The following EEFSEC variants were observed in gnomAD, a reference collection of about 807,000 sequenced individuals.
EEFSEC encodes eukaryotic elongation factor, selenocysteine-tRNA specific, also known as selenocysteine-specific elongation factor.
In EEFSEC, 43 loss-of-function variants were observed where a neutral mutation model predicts 42.1. The observed-to-expected ratio is 1.02, with a 90% CI of 0.80 to 1.32. The LOEUF (loss-of-function observed/expected upper bound fraction) is 1.32, where lower values mean the gene tolerates loss of function less well. EEFSEC is among the 40% of genes most tolerant of loss of function. EEFSEC has a pLI of 0.00. For missense variants in EEFSEC, 745 were observed against 803.6 expected (o/e 0.93, Z 0.88); for synonymous variants, 354 against 339.1 (o/e 1.04, Z -0.48).
At chr3:128,244,145 G>A (rs2066102070) in intron 1 of EEFSEC, among the ~76,000 whole-genome samples, 1 of 152,218 alleles carries the variant, frequency 6.6e-6, no homozygotes, top group Non-Finnish European at 1.5e-5. Context: ...CTGGAAAATA[G>A]GCTGGGCCCC....
At chr3:128,313,638 G>A (rs548261006) in intron 4 of EEFSEC, among the ~76,000 whole-genome samples, 1 of 152,298 alleles carries the variant, frequency 6.6e-6, no homozygotes, top group East Asian at 1.9e-4. Context: ...TCAGGCTCTT[G>A]GCATCTCCAT....
chr3:128,337,186 C>T (rs1335001512), intron 4 of EEFSEC: 2 of 152,228 alleles, frequency 1.3e-5, no homozygotes, highest in Non-Finnish European at 2.9e-5. Context: ...TCACTGACCA[C>T]CCCGTGTGGC....
chr3:128,212,581 C>T (rs2065770004), intron 1 of EEFSEC, among the ~76,000 whole-genome samples: 2 of 152,298 alleles, frequency 1.3e-5, no homozygotes, highest in South Asian at 2.1e-4. Flanking sequence ...ACCGAATGAG[C>T]AGTCACATCC....
intron 1 of EEFSEC, among the ~76,000 whole-genome samples, chr3:128,219,123 C>T (rs999919269): frequency 1.8e-4 from 28 of 152,292 alleles, no homozygotes; most frequent in African/African-American, 6.0e-4. Flanking sequence ...TATGGCTGAG[C>T]GGACTCATTC....
At chr3:128,168,456 A>G (rs1251055057) in intron 1 of EEFSEC, among the ~76,000 whole-genome samples, 3 of 150,226 alleles carry the variant, frequency 2.0e-5, no homozygotes, top group African/African-American at 7.3e-5. Context: ...CTTGCATGGT[A>G]AAAAAAACTT....
chr3:128,217,179 C>G (rs2065819040), intron 1 of EEFSEC, among the ~76,000 whole-genome samples: 1 of 152,124 alleles, frequency 6.6e-6, no homozygotes, highest in East Asian at 1.9e-4. Context: ...TAAGGGCCTT[C>G]TATGCATACT....
At chr3:128,270,323 T>G (rs935736438) in intron 4 of EEFSEC, among the ~76,000 whole-genome samples, 1 of 152,200 alleles carries the variant, frequency 6.6e-6, no homozygotes, top group Non-Finnish European at 1.5e-5. Context: ...AAGTGAGTTA[T>G]TGAAATGCAA....
intron 4 of EEFSEC, among the ~76,000 whole-genome samples, chr3:128,282,782 C>G (rs1415718781): frequency 6.6e-6 from 1 of 152,182 alleles, no homozygotes; most frequent in African/African-American, 2.4e-5. Context: ...TGGGGTTAGG[C>G]TGGCTCTGCC....
In EEFSEC at chr3:128,296,039, C is replaced by T. The variant is rs3811711; in HGVS notation, c.786+31258C>T. ...ATGTTACCATGGTCCAGAAATCACC[C>T]GCTCATCCCAGAAGAGATGGAAGGA... On this transcript the variant is annotated intron_variant, in intron 4 of 6. Transcript: ENST00000254730. Among the ~76,000 whole-genome samples, 4,190 of 152,204 alleles carry T rather than the reference C, an allele frequency of 0.028. 412 individuals are homozygous for T. In the East Asian group the frequency reaches 0.36, roughly 13 times the overall value.
chr3:128,191,432 A>T (rs190108807), intron 1 of EEFSEC, among the ~76,000 whole-genome samples: 6 of 152,184 alleles, frequency 3.9e-5, no homozygotes, highest in African/African-American at 1.4e-4. Flanking sequence ...ACTTCAGCTC[A>T]CTGTGCCTGG....
intron 4 of EEFSEC, among the ~76,000 whole-genome samples, chr3:128,284,868 T>C (rs181039893): frequency 6.6e-6 from 1 of 152,048 alleles, no homozygotes; most frequent in Admixed American, 6.5e-5. Context: ...TTACCTGAGC[T>C]ATGTGTGCTT....
In EEFSEC at chr3:128,253,840, A is replaced by G. The variant is rs114937122; in HGVS notation, c.524+6797A>G. 4.5e-3 allele frequency among the ~76,000 whole-genome samples: 691 copies of G among 152,228 alleles called. 4 individuals carry two copies. The highest frequency in any genetic ancestry group is 0.015 in the African/African-American group (606 of 41,524). On this transcript the variant is annotated intron_variant, in intron 2 of 6. Coordinates refer to ENST00000254730, the MANE Select transcript of EEFSEC (RefSeq NM_021937.5). ...AGGTGGGTCTGTGGCCCTCTTTGGAATCTCCTTACTGAACTGAAATCATCG... is the reference window on the plus strand; with the variant it reads ...AGGTGGGTCTGTGGCCCTCTTTGGAGTCTCCTTACTGAACTGAAATCATCG...
chr3:128,202,867 T>C (rs758062752), intron 1 of EEFSEC, among the ~76,000 whole-genome samples: 3 of 152,250 alleles, frequency 2.0e-5, no homozygotes, highest in Non-Finnish European at 4.4e-5. Context: ...CAGGAGTGGT[T>C]GTTAAATTTT....
intron 1 of EEFSEC, among the ~76,000 whole-genome samples, chr3:128,172,957 G>A (rs1474918372): frequency 6.6e-6 from 1 of 152,234 alleles, no homozygotes; most frequent in Non-Finnish European, 1.5e-5. Context: ...AAGGGAGTAT[G>A]TCTATAAGAT....
the EEFSEC span, among the ~76,000 whole-genome samples, chr3:128,422,713 AAACATCCCGTCC>A: frequency 4.6e-5 from 7 of 152,230 alleles, no homozygotes; most frequent in African/African-American, 1.7e-4. Context: ...AGGGAGCTTG[AAACATCCCGTCC>A]CCTGACAAGG....
chr3:128,364,774 C>G (rs1388268115), intron 6 of EEFSEC, among the ~76,000 whole-genome samples: 1 of 152,224 alleles, frequency 6.6e-6, no homozygotes, highest in Non-Finnish European at 1.5e-5. Flanking sequence ...CTGGGAAGGC[C>G]AAGAGCACCT....
intron 4 of EEFSEC, among the ~76,000 whole-genome samples, chr3:128,339,204 T>G (rs2067223324): frequency 6.6e-6 from 1 of 152,208 alleles, no homozygotes; most frequent in South Asian, 2.1e-4. Flanking sequence ...GCGTCTCACT[T>G]TCTCTGCCCC....
At chr3:128,307,495 G>T (rs1408166464) in intron 4 of EEFSEC, among the ~76,000 whole-genome samples, 1 of 152,182 alleles carries the variant, frequency 6.6e-6, no homozygotes, top group Non-Finnish European at 1.5e-5. Flanking sequence ...GCTCCCACAG[G>T]GTGCCTGATG....
At chr3:128,202,241 T>A (rs2065650969) in intron 1 of EEFSEC, among the ~76,000 whole-genome samples, 1 of 152,218 alleles carries the variant, frequency 6.6e-6, no homozygotes, top group Non-Finnish European at 1.5e-5. Flanking sequence ...CCTGGGATTA[T>A]GATTGGGATT....
Sources: gnomAD v4.1 joint callset for allele counts (sites outside exome capture counted in the v4.1 genomes callset) on GRCh38, gnomAD v4.1.1 for gene constraint, MANE v1.5 for transcripts, NCBI Gene and HGNC (gene_info 2026-07-23, HGNC 2026-07-21) for gene names.